ADAM10: variants seen among roughly 807,000 people sequenced by gnomAD.
ADAM10 encodes the protein disintegrin and metalloproteinase domain-containing protein 10.
Under a neutral mutation model 90.1 loss-of-function variants are expected in ADAM10, and 17 were observed. The observed-to-expected ratio is 0.19, with a 90% CI of 0.13 to 0.28. The LOEUF is 0.28. Among genes scored for constraint, ADAM10 ranks in the 10% least tolerant of loss-of-function variants. The probability of loss-of-function intolerance (pLI) is 1.00; values close to 1 mark genes in which losing one functional copy is unlikely to be tolerated. For synonymous variants in ADAM10, 310 were observed against 298.6 expected (o/e 1.04, Z -0.40); for missense variants, 610 against 914.3 (o/e 0.67, Z 4.29).
Position 58,640,908 on chromosome 15 carries a change from T to C in ADAM10, c.881A>G (p.Asn294Ser), listed in dbSNP as rs765016541. 6.2e-7 allele frequency: 1 copy of C among 1,614,152 alleles called. No individual in the cohort carries two copies. Among genetic ancestry groups the C allele is most frequent in the Non-Finnish European group, 8.5e-7 (1 of 1,180,012 alleles). ...TTCCAGAAACTTCTCCACACCAATA[T>C]TTGGGAAACGGAAAGGATTTGTAGG... ...KDPTNPFRFP[N>S]IGVEKFLELN... Residue 294 changes from asparagine (N) to serine (S), a missense_variant, in exon 8 of 16, where the codon AAT becomes AGT. Transcript: ENST00000260408.
intron 1 of ADAM10, among the ~76,000 whole-genome samples, chr15:58,736,055 T>C (rs1161791310): frequency 1.3e-5 from 2 of 152,192 alleles, no homozygotes; most frequent in Non-Finnish European, 2.9e-5. Flanking sequence ...TAGGTAATTA[T>C]ATCTTGCTAA....
At chr15:58,628,759 T>C (rs1896020832) in intron 9 of ADAM10, among the ~76,000 whole-genome samples, 1 of 152,234 alleles carries the variant, frequency 6.6e-6, no homozygotes, top group African/African-American at 2.4e-5. Context: ...TTGTGCTATT[T>C]AATTAAAATC....
At chr15:58,736,965 G>A (rs1206479062) in intron 1 of ADAM10, among the ~76,000 whole-genome samples, 2 of 151,602 alleles carry the variant, frequency 1.3e-5, no homozygotes, top group Non-Finnish European at 2.9e-5. Flanking sequence ...TTTTTTAAGG[G>A]GGAAGACTAA....
intron 1 of ADAM10, among the ~76,000 whole-genome samples, chr15:58,734,715 A>G (rs1899370388): frequency 6.6e-6 from 1 of 152,040 alleles, no homozygotes; most frequent in Non-Finnish European, 1.5e-5. Flanking sequence ...TAAAAAAAAA[A>G]AAAACTGAAA....
At chr15:58,612,996 C>A (rs1272403915) in intron 11 of ADAM10, among the ~76,000 whole-genome samples, 1 of 152,234 alleles carries the variant, frequency 6.6e-6, no homozygotes, top group Admixed American at 6.5e-5. Flanking sequence ...AGCACCGCAG[C>A]AGGTGCTCGT....
At chr15:58,672,891 G>A (rs1392001221) in intron 4 of ADAM10, 2 of 168,236 alleles carry the variant, frequency 1.2e-5, no homozygotes, top group Non-Finnish European at 2.6e-5. Flanking sequence ...AGATGAAGAG[G>A]ATGAGGAAGA....
At chr15:58,675,387 G>C (rs1897286433) in intron 4 of ADAM10, among the ~76,000 whole-genome samples, 1 of 152,130 alleles carries the variant, frequency 6.6e-6, no homozygotes, top group Admixed American at 6.5e-5. Context: ...CTCTTGGATA[G>C]GTAGTACACA....
At chr15:58,628,174 C>T (rs1244128571) in intron 9 of ADAM10, among the ~76,000 whole-genome samples, 2 of 152,142 alleles carry the variant, frequency 1.3e-5, no homozygotes, top group South Asian at 2.1e-4. Flanking sequence ...TAAAAATAAG[C>T]TCACATACTT....
chr15:58,692,090 C>T (rs751146716), intron 2 of ADAM10: 29 of 481,802 alleles, frequency 6.0e-5, no homozygotes, highest in African/African-American at 4.9e-4. Flanking sequence ...ACGGACAAAG[C>T]CGACATACTC....
Position 58,709,104 on chromosome 15 carries a change from C to T in ADAM10, c.206+8473G>A, listed in dbSNP as rs555278004. Among the ~76,000 whole-genome samples the T allele has an allele frequency of 2.6e-5, 4 of 152,142 alleles. No individual in the cohort carries two copies. In the East Asian group the frequency reaches 7.7e-4, roughly 29 times the overall value. On this transcript the variant is annotated intron_variant, in intron 2 of 15. Transcript: ENST00000260408. Reference sequence around the variant, plus strand: ...AAACCAATAAACTAAACATATTCAACACAGTTACTATAAAAGATTTTCAGG... The same window carrying T: ...AAACCAATAAACTAAACATATTCAATACAGTTACTATAAAAGATTTTCAGG...
At chr15:58,634,593 T>C (rs1261487729) in intron 8 of ADAM10, among the ~76,000 whole-genome samples, 4 of 152,186 alleles carry the variant, frequency 2.6e-5, no homozygotes, top group African/African-American at 7.2e-5. Flanking sequence ...AGAAACCATC[T>C]GGTCAATTCA....
Position 58,596,524 on chromosome 15 carries a change from TAAAG to T in ADAM10, c.*1019_*1022del, listed in dbSNP as rs1294412060. 1 of 152,634 alleles carries T rather than the reference TAAAG, an allele frequency of 6.6e-6. No homozygotes were observed. The highest frequency in any genetic ancestry group is 1.5e-5 in the Non-Finnish European group (1 of 68,024). 9.5% of individuals were successfully genotyped at this position (152,634 alleles called of 1,614,324 possible). On this transcript the variant is annotated 3_prime_UTR_variant, in exon 16 of 16. Coordinates refer to ENST00000260408, the MANE Select transcript of ADAM10 (RefSeq NM_001110.4). ...TGAAAAAACCGTTTAAATATTTTGA[TAAAG>T]ACACAGCTTTTCTTTTCCATATCAG...
chr15:58,713,399 T>C (rs1157247421), intron 2 of ADAM10, among the ~76,000 whole-genome samples: 2 of 152,176 alleles, frequency 1.3e-5, no homozygotes, highest in South Asian at 4.1e-4. Flanking sequence ...AGCCACCATG[T>C]CCAGCAATTC....
chr15:58,595,046 T>A lies in ADAM10; in HGVS notation c.*2501A>T, dbSNP rs1425547567. The A allele has an allele frequency of 1.3e-5, 2 of 152,156 alleles. No homozygotes were observed. The highest frequency in any genetic ancestry group is 1.3e-4 in the Admixed American group (2 of 15,286). The allele number at this position is 152,156 out of a possible 1,614,324, so 9.4% of individuals were successfully genotyped here. A position where few individuals can be genotyped will look rare whatever the true frequency, so the allele number is the denominator to read the frequency against. On this transcript the variant is annotated 3_prime_UTR_variant, in exon 16 of 16. Coordinates refer to ENST00000260408, the MANE Select transcript of ADAM10 (RefSeq NM_001110.4). The stretch of plus-strand genomic sequence containing the variant: ...TGGCTCAAAATTTTAAACAAACTTA[T>A]CATTAAACTAGGCTTTTTAAAATAA...
chr15:58,691,614 T>G lies in ADAM10; in HGVS notation c.207-9300A>C, dbSNP rs769691318. ...GATTTTAGAGAATACCTCATCTAAT[T>G]TCTTGTTATTCTCCTTGTCTTCTGC... On this transcript the variant is annotated intron_variant, in intron 2 of 15. Transcript: ENST00000260408. 2.4e-5 allele frequency: 11 copies of G among 459,290 alleles called. No homozygotes were observed. In the East Asian group the frequency reaches 5.4e-4, roughly 22 times the overall value. 28.5% of individuals were successfully genotyped at this position (459,290 alleles called of 1,614,324 possible).
intron 4 of ADAM10, among the ~76,000 whole-genome samples, chr15:58,671,776 G>A (rs1373098859): frequency 6.6e-6 from 1 of 151,916 alleles, no homozygotes; most frequent in Non-Finnish European, 1.5e-5. Flanking sequence ...AGTAAATATG[G>A]CTCACCTTCA....
chr15:58,708,923 T>C (rs1158982533), intron 2 of ADAM10, among the ~76,000 whole-genome samples: 2 of 152,178 alleles, frequency 1.3e-5, no homozygotes, highest in African/African-American at 4.8e-5. Flanking sequence ...ATTAAACAGG[T>C]TATAATACAA....
chr15:58,692,521 T>A (rs1238497630), intron 2 of ADAM10: 1 of 521,482 alleles, frequency 1.9e-6, no homozygotes, highest in South Asian at 1.5e-5. Flanking sequence ...TTCCTCATCA[T>A]CACTGATTTC....
chr15:58,668,962 G>A (rs2046751178), intron 4 of ADAM10, among the ~76,000 whole-genome samples: 1 of 152,116 alleles, frequency 6.6e-6, no homozygotes. Flanking sequence ...CTACGGCAAA[G>A]TGTGTTCTAA....
Sources: allele counts gnomAD v4.1 joint callset (sites outside exome capture counted in the v4.1 genomes callset), GRCh38; gene constraint gnomAD v4.1.1; transcripts MANE v1.5; gene names NCBI Gene and HGNC (gene_info 2026-07-23, HGNC 2026-07-21).